SRL: variants seen among roughly 807,000 people sequenced by gnomAD.
The protein encoded by SRL is sarcalumenin.
In SRL, 23 loss-of-function variants were observed where a neutral mutation model predicts 39.5. The observed-to-expected ratio is 0.58, with a 90% confidence interval of 0.42 to 0.82. The LOEUF is 0.82. Among genes scored for constraint, SRL ranks in the 40% least tolerant of loss-of-function variants. The pLI, the probability that SRL is intolerant of heterozygous loss-of-function variation, is 0.00. For synonymous variants in SRL, 272 were observed against 237.4 expected (o/e 1.15, Z -1.34); for missense variants, 592 against 607.8 (o/e 0.97, Z 0.27).
Position 4,242,002 on chromosome 16 carries a change from C to A in SRL, c.61+5G>T, listed in dbSNP as rs761279227. The A allele has an allele frequency of 2.0e-5, 33 of 1,613,714 alleles. No individual in the cohort carries two copies. The highest frequency in any genetic ancestry group is 2.8e-5 in the Non-Finnish European group (33 of 1,179,926). On this transcript the variant is annotated splice_donor_5th_base_variant and intron_variant, in intron 1 of 5. Coordinates refer to ENST00000399609, the MANE Select transcript of SRL (RefSeq NM_001098814.2). ...TGGGCTGGGTCATGCTGGGAGGGGC[C>A]CTACCTGCTTGTCCTGAGAACAGGA...
At chr16:4,234,526 G>C (rs1476903177) in intron 1 of SRL, among the ~76,000 whole-genome samples, 1 of 152,210 alleles carries the variant, frequency 6.6e-6, no homozygotes, top group Non-Finnish European at 1.5e-5. Context: ...GATGAGGGAG[G>C]CTGAAAATAG....
chr16:4,222,468 T>C (rs984307655), intron 1 of SRL, among the ~76,000 whole-genome samples: 3 of 152,128 alleles, frequency 2.0e-5, no homozygotes, highest in South Asian at 2.1e-4. Context: ...AGATACGGGG[T>C]TTTGCCATGT....
rs991432172 is a variant in SRL, at chr16:4,191,167, C to G, written c.*986G>C. The G allele has an allele frequency of 6.6e-6, 1 of 152,314 alleles. No individual in the cohort carries two copies. Among genetic ancestry groups the G allele is most frequent in the Non-Finnish European group, 1.5e-5 (1 of 68,124 alleles). 9.4% of individuals were successfully genotyped at this position (152,314 alleles called of 1,614,324 possible). ...GGGTCCGATGAAGGGATCGAGCCCT[C>G]GAGCCAGCTTTGAGGAACACATCAG... On this transcript the variant is annotated 3_prime_UTR_variant, in exon 6 of 6. Coordinates refer to ENST00000399609, the MANE Select transcript of SRL (RefSeq NM_001098814.2).
intron 1 of SRL, chr16:4,206,912 C>T (rs1040955426): frequency 6.6e-6 from 3 of 456,346 alleles, no homozygotes; most frequent in African/African-American, 2.0e-5. Context: ...CCTGGGGTTC[C>T]CTGGCTTCCT....
Position 4,192,619 on chromosome 16 carries a change from T to A in SRL, c.956A>T (p.Asn319Ile). The change falls in exon 6 of 6, where the codon AAT becomes ATT. Residue 319 changes from asparagine (N) to isoleucine (I), a missense_variant. Transcript: ENST00000399609. The surrounding 1 kb of genome is among the most constrained non-coding windows in gnomAD (Gnocchi z 4.0). ...QEEISLLEDL[N>I]QVIENRLENK... ...CTCCAGTCTGTTCTCGATCACCTGATTCAGGTCTTCTAGGAGGGAGATCTC... is the reference window on the plus strand; with the variant it reads ...CTCCAGTCTGTTCTCGATCACCTGAATCAGGTCTTCTAGGAGGGAGATCTC... 6.2e-7 allele frequency: 1 copy of A among 1,614,108 alleles called. No homozygotes were observed. The highest frequency in any genetic ancestry group is 2.2e-5 in the East Asian group (1 of 44,884).
chr16:4,197,444 C>T (rs1293158500), intron 4 of SRL, among the ~76,000 whole-genome samples: 107 of 49,608 alleles, frequency 2.2e-3, no homozygotes, highest in Non-Finnish European at 2.8e-3. Context: ...TTTTTTGAGA[C>T]GGAGTCTCGC....
intron 1 of SRL, among the ~76,000 whole-genome samples, chr16:4,228,518 T>G (rs146693314): frequency 0.051 from 7,735 of 151,236 alleles, 255 homozygotes; most frequent in East Asian, 0.11. Context: ...GGCGGATCAC[T>G]AGGTCAGGAG....
chr16:4,229,479 G>A (rs1327025664), intron 1 of SRL, among the ~76,000 whole-genome samples: 1 of 151,990 alleles, frequency 6.6e-6, no homozygotes, highest in African/African-American at 2.4e-5. Flanking sequence ...GTTGTTTGCA[G>A]AAACATGGAT....
At chr16:4,224,119 T>A (rs1228525527) in intron 1 of SRL, among the ~76,000 whole-genome samples, 7 of 151,896 alleles carry the variant, frequency 4.6e-5, no homozygotes, top group Non-Finnish European at 4.4e-5. Flanking sequence ...ACCCCGGGCA[T>A]CTGGAGGAGG....
At chr16:4,232,075 C>G (rs1298545722) in intron 1 of SRL, among the ~76,000 whole-genome samples, 1 of 152,154 alleles carries the variant, frequency 6.6e-6, no homozygotes, top group African/African-American at 2.4e-5. Flanking sequence ...GGCCCCACCC[C>G]AGGCCAGCCG....
At chr16:4,236,230 AC>A (rs1453672734) in intron 1 of SRL, among the ~76,000 whole-genome samples, 3 of 151,940 alleles carry the variant, frequency 2.0e-5, no homozygotes, top group Admixed American at 6.6e-5. Context: ...CTCACTAAAT[AC>A]CCTCAAACCC....
intron 1 of SRL, among the ~76,000 whole-genome samples, chr16:4,220,308 C>CACACACACAA (rs1326315986): frequency 6.6e-6 from 1 of 151,348 alleles, no homozygotes; most frequent in African/African-American, 2.4e-5. Flanking sequence ...CACACACACA[C>CACACACACAA]AAATAACCGG....
intron 2 of SRL, among the ~76,000 whole-genome samples, chr16:4,203,842 G>A (rs1567177582): frequency 1.3e-5 from 2 of 152,240 alleles, no homozygotes; most frequent in Non-Finnish European, 2.9e-5. Flanking sequence ...CTGAGGCTTA[G>A]AAGGCAAAGA....
Position 4,195,697 on chromosome 16 carries a change from C to A in SRL, c.466G>T (p.Ala156Ser), listed in dbSNP as rs768335462. The change falls in exon 5 of 6, where the codon GCC becomes TCC. Residue 156 changes from alanine to serine, a missense_variant. Transcript: ENST00000399609. ...IEGIVMAADS[A>S]RSFSPLEKFG... ...TTCTCAAGGGGTGAGAAGGAACGGGCGCTGTCAGCAGCCATGACGATGCCC... is the reference window on the plus strand; with the variant it reads ...TTCTCAAGGGGTGAGAAGGAACGGGAGCTGTCAGCAGCCATGACGATGCCC... The A allele has an allele frequency of 1.2e-6, 2 of 1,613,944 alleles. No homozygotes were observed. Among genetic ancestry groups the A allele is most frequent in the African/African-American group, 1.3e-5 (1 of 74,896 alleles).
chr16:4,230,777 A>T (rs918547669), intron 1 of SRL, among the ~76,000 whole-genome samples: 2 of 152,108 alleles, frequency 1.3e-5, no homozygotes, highest in Admixed American at 6.5e-5. Flanking sequence ...TAAACCCAAC[A>T]TCTTCAATGT....
chr16:4,234,865 TC>T (rs2052698758), intron 1 of SRL, among the ~76,000 whole-genome samples: 1 of 152,208 alleles, frequency 6.6e-6, no homozygotes, highest in Admixed American at 6.5e-5. Context: ...ATTTACCACC[TC>T]CGTGTTGAGA....
chr16:4,235,885 G>A lies in SRL; in HGVS notation c.61+6122C>T, dbSNP rs73497176. Among the ~76,000 whole-genome samples the A allele has an allele frequency of 3.5e-3, 529 of 152,186 alleles. 1 individual carries two copies. Among genetic ancestry groups the A allele is most frequent in the African/African-American group, 0.012 (498 of 41,508 alleles). ...GAGCGGATCTCGAGGTCAGGAGATC[G>A]AAACCAGCCTGACCAACATGGAGAA... On this transcript the variant is annotated intron_variant, in intron 1 of 5. Coordinates refer to ENST00000399609, the MANE Select transcript of SRL (RefSeq NM_001098814.2).
chr16:4,216,033 C>A (rs1169311982), intron 1 of SRL, among the ~76,000 whole-genome samples: 1 of 149,600 alleles, frequency 6.7e-6, no homozygotes, highest in East Asian at 1.9e-4. Flanking sequence ...GAGACCCTGT[C>A]TCAAAAAAAA....
At chr16:4,221,774 C>A (rs961008873) in intron 1 of SRL, among the ~76,000 whole-genome samples, 3 of 152,208 alleles carry the variant, frequency 2.0e-5, no homozygotes, top group Admixed American at 6.5e-5. Context: ...AGAGGGCCAC[C>A]TCCTCTGAAA....
Sources: allele counts gnomAD v4.1 joint callset (sites outside exome capture counted in the v4.1 genomes callset), GRCh38; gene constraint gnomAD v4.1.1; non-coding constraint Gnocchi (gnomAD v3.1); transcripts MANE v1.5; gene names NCBI Gene and HGNC (gene_info 2026-07-23, HGNC 2026-07-21).